Variants in NCK1 observed in about 807,000 individuals in gnomAD.
NCK1 encodes NCK adaptor protein 1.
In NCK1, 19 loss-of-function variants were observed where a neutral mutation model predicts 36.6. The ratio of observed to expected loss-of-function variants is 0.52; its 90% CI spans 0.36 to 0.76. The LOEUF is 0.76. NCK1 is among the 30% of genes least tolerant of loss of function. NCK1 has a pLI of 0.00. For missense variants in NCK1, 358 were observed against 445.6 expected, an observed-to-expected ratio of 0.80 and a Z score of 1.77; for synonymous variants, 165 against 156.0, an observed-to-expected ratio of 1.06 and a Z score of -0.43.
At chr3:136,938,801 C>T in intron 2 of NCK1, among the ~76,000 whole-genome samples, 1 of 152,140 alleles carries the variant, frequency 6.6e-6, no homozygotes, top group East Asian at 1.9e-4. Context: ...GGAGCCTAAC[C>T]CTGTTTTTCC....
At chr3:136,922,794 T>G (rs1940144183) in intron 1 of NCK1, among the ~76,000 whole-genome samples, 1 of 152,180 alleles carries the variant, frequency 6.6e-6, no homozygotes, top group Non-Finnish European at 1.5e-5. Flanking sequence ...TATACAAACT[T>G]TAGCTGTAAC....
intron 1 of NCK1, among the ~76,000 whole-genome samples, chr3:136,925,359 A>G (rs1445585206): frequency 4.6e-5 from 7 of 152,186 alleles, no homozygotes; most frequent in African/African-American, 1.4e-4. Flanking sequence ...TGAGATCATT[A>G]TAGATCCACA....
chr3:136,939,181 A>G (rs1054065348), intron 2 of NCK1, among the ~76,000 whole-genome samples: 3 of 151,866 alleles, frequency 2.0e-5, no homozygotes, highest in African/African-American at 7.3e-5. Context: ...CAGATTTTCT[A>G]TTTTTTCCTG....
At chr3:136,878,106 A>G (rs1938825493) in intron 1 of NCK1, among the ~76,000 whole-genome samples, 1 of 152,140 alleles carries the variant, frequency 6.6e-6, no homozygotes, top group Non-Finnish European at 1.5e-5. Context: ...ACACAGATAA[A>G]CCTTTAAAAC....
Position 136,940,691 on chromosome 3 carries a change from C to T in NCK1, c.227-4892C>T, listed in dbSNP as rs532658734. On this transcript the variant is annotated intron_variant, in intron 2 of 3. Coordinates refer to ENST00000481752, the MANE Select transcript of NCK1 (RefSeq NM_001291999.2). Reference sequence around the variant, plus strand: ...TCCTGAGTAGCTGGGATTACAGGCACCTGACATCATGCCTAACTAATTTTT... The same window carrying T: ...TCCTGAGTAGCTGGGATTACAGGCATCTGACATCATGCCTAACTAATTTTT... Among the ~76,000 whole-genome samples, 141 of 152,114 alleles carry T rather than the reference C, an allele frequency of 9.3e-4. 2 individuals carry two copies. The South Asian group carries it at 0.027, about 29-fold the overall frequency.
chr3:136,895,426 C>G (rs1321688844), intron 1 of NCK1, among the ~76,000 whole-genome samples: 1 of 151,638 alleles, frequency 6.6e-6, no homozygotes, highest in Non-Finnish European at 1.5e-5. Context: ...GCCATACCAC[C>G]TTTTTTAAAA....
chr3:136,924,302 A>T (rs1940186316), intron 1 of NCK1, among the ~76,000 whole-genome samples: 2 of 152,210 alleles, frequency 1.3e-5, no homozygotes, highest in African/African-American at 4.8e-5. Flanking sequence ...AATAATTACC[A>T]GTTTATAGGA....
chr3:136,900,909 C>T (rs1367959741), intron 1 of NCK1, among the ~76,000 whole-genome samples: 1 of 151,998 alleles, frequency 6.6e-6, no homozygotes, highest in African/African-American at 2.4e-5. Flanking sequence ...CTTTTTTTCC[C>T]TCTTGCCTGA....
intron 1 of NCK1, among the ~76,000 whole-genome samples, chr3:136,892,904 A>G (rs569246104): frequency 6.6e-6 from 1 of 152,048 alleles, no homozygotes; most frequent in African/African-American, 2.4e-5. Context: ...GATTGGTACA[A>G]CCATCACCCA....
intron 1 of NCK1, among the ~76,000 whole-genome samples, chr3:136,866,533 C>T (rs1938416807): frequency 7.0e-6 from 1 of 142,284 alleles, no homozygotes; most frequent in Non-Finnish European, 1.6e-5. Context: ...TCTTAAACTC[C>T]TCACTTCAGG....
intron 1 of NCK1, among the ~76,000 whole-genome samples, chr3:136,866,285 G>T (rs555864481): frequency 6.7e-6 from 1 of 150,068 alleles, no homozygotes; most frequent in Non-Finnish European, 1.5e-5. Flanking sequence ...TTGTACCTTC[G>T]TATCATTCCT....
Position 136,949,822 on chromosome 3 carries a change from A to G in NCK1, c.*1369A>G, listed in dbSNP as rs554671158. 5.1e-5 allele frequency: 7 copies of G among 137,532 alleles called. No individual in the cohort carries two copies. Among genetic ancestry groups the G allele is most frequent in the Non-Finnish European group, 1.1e-4 (7 of 63,372 alleles). 8.5% of individuals were successfully genotyped at this position (137,532 alleles called of 1,614,324 possible). ...GCCAGAATTACTGATGGTAAAATTG[A>G]AGTTGTGTAACTTGTGAATTTTTTT... On this transcript the variant is annotated 3_prime_UTR_variant, in exon 4 of 4. Transcript: ENST00000481752.
chr3:136,941,992 C>G (rs1940690747), intron 2 of NCK1, among the ~76,000 whole-genome samples: 1 of 152,128 alleles, frequency 6.6e-6, no homozygotes, highest in Admixed American at 6.5e-5. Flanking sequence ...GCGTGTGCCA[C>G]CACGCCCGGC....
At chr3:136,905,635 T>C (rs1012904592) in intron 1 of NCK1, among the ~76,000 whole-genome samples, 6 of 152,114 alleles carry the variant, frequency 3.9e-5, no homozygotes, top group South Asian at 2.1e-4. Flanking sequence ...TTTCTTTTTT[T>C]CCCCCCTGAG....
intron 2 of NCK1, among the ~76,000 whole-genome samples, chr3:136,945,300 A>T (rs964349302): frequency 6.6e-6 from 1 of 152,218 alleles, no homozygotes; most frequent in Non-Finnish European, 1.5e-5. Flanking sequence ...TTAATTTAGG[A>T]CAACTTTATA....
chr3:136,930,422 T>G, intron 2 of NCK1: 1 of 1,229,664 alleles, frequency 8.1e-7, no homozygotes, highest in Non-Finnish European at 1.0e-6. Flanking sequence ...TCAGAAAAAT[T>G]TTCTATTGCC....
intron 2 of NCK1, among the ~76,000 whole-genome samples, chr3:136,938,312 T>C (rs1174515252): frequency 6.6e-6 from 1 of 152,242 alleles, no homozygotes. Context: ...ATGATCCTTA[T>C]TTTTCACAGA....
chr3:136,897,645 C>T (rs1217996220), intron 1 of NCK1, among the ~76,000 whole-genome samples: 4 of 152,008 alleles, frequency 2.6e-5, no homozygotes, highest in African/African-American at 7.2e-5. Context: ...TTGAATAGTT[C>T]GCACATATTT....
At position 136,872,134 on chromosome 3, in the gene NCK1, C is replaced by T. The variant is rs1466267709; in HGVS notation, c.-19+9781C>T. Among the ~76,000 whole-genome samples, 11 of 152,060 alleles carry T rather than the reference C, an allele frequency of 7.2e-5. No homozygotes were observed. The East Asian group carries it at 2.1e-3, about 29-fold the overall frequency. On this transcript the variant is annotated intron_variant, in intron 1 of 3. Transcript: ENST00000481752. ...AGAGGTTGGAACAGTTTGAAGGGATCAGAAGAGGACAGGAAAATGTGGGAA... is the reference window on the plus strand; with the variant it reads ...AGAGGTTGGAACAGTTTGAAGGGATTAGAAGAGGACAGGAAAATGTGGGAA...
Sources: allele counts gnomAD v4.1 joint callset (sites outside exome capture counted in the v4.1 genomes callset), GRCh38; gene constraint gnomAD v4.1.1; transcripts MANE v1.5; gene names NCBI Gene and HGNC (gene_info 2026-07-23, HGNC 2026-07-21).